Variants in CSMD3 observed in about 807,000 individuals in gnomAD.
CSMD3 encodes the protein CUB and sushi domain-containing protein 3.
CSMD3 carries 177 observed loss-of-function variants against 435.2 expected under a neutral mutation model. The observed-to-expected ratio is 0.41, with a 90% CI of 0.36 to 0.46. CSMD3 has a LOEUF of 0.46. CSMD3 is among the 20% of genes least tolerant of loss of function. The pLI, the probability that CSMD3 is intolerant of heterozygous loss-of-function variation, is 0.34. For missense variants in CSMD3, 4,265 were observed against 4,504.6 expected (o/e 0.95, Z 1.52); for synonymous variants, 1,656 against 1,520.5 (o/e 1.09, Z -2.07).
At chr8:112,342,863 G>A (rs909507967) in intron 41 of CSMD3, among the ~76,000 whole-genome samples, 2 of 151,010 alleles carry the variant, frequency 1.3e-5, no homozygotes, top group African/African-American at 4.9e-5. Flanking sequence ...GAAGACCGAA[G>A]ATATGCACTT....
chr8:112,440,819 C>G lies in CSMD3; in HGVS notation c.5395+31772G>C, dbSNP rs565458770. 1.7e-4 allele frequency among the ~76,000 whole-genome samples: 26 copies of G among 152,280 alleles called. 1 individual carries two copies. The highest frequency in any genetic ancestry group is 6.0e-4 in the African/African-American group (25 of 41,574). ...GGCTGGAGCTGAAGCAGCTGGGATGCAGGTCATGATGCCCCAAGGCTGCAT... is the reference window on the plus strand; with the variant it reads ...GGCTGGAGCTGAAGCAGCTGGGATGGAGGTCATGATGCCCCAAGGCTGCAT... On this transcript the variant is annotated intron_variant, in intron 32 of 70. Coordinates refer to ENST00000297405, the MANE Select transcript of CSMD3 (RefSeq NM_198123.2).
At chr8:112,619,098 G>T (rs1392555496) in intron 22 of CSMD3, among the ~76,000 whole-genome samples, 2 of 152,012 alleles carry the variant, frequency 1.3e-5, no homozygotes, top group African/African-American at 2.4e-5. Context: ...TCAGTGCTTG[G>T]TGTGTTATTA....
intron 27 of CSMD3, among the ~76,000 whole-genome samples, chr8:112,524,608 A>G (rs960488275): frequency 5.3e-5 from 8 of 152,030 alleles, no homozygotes; most frequent in African/African-American, 1.9e-4. Flanking sequence ...TAACATGTGT[A>G]TCAAAATCTG....
chr8:113,136,183 A>G (rs2091414170), intron 4 of CSMD3, among the ~76,000 whole-genome samples: 1 of 151,852 alleles, frequency 6.6e-6, no homozygotes, highest in Admixed American at 6.6e-5. Context: ...TGCTTGTGAC[A>G]GAAAATACTG....
At chr8:112,659,541 G>GA (rs1267195555) in intron 17 of CSMD3, among the ~76,000 whole-genome samples, 1 of 152,132 alleles carries the variant, frequency 6.6e-6, no homozygotes, top group African/African-American at 2.4e-5. Context: ...CTGAAAGACT[G>GA]ATAGTGATAG....
intron 10 of CSMD3, among the ~76,000 whole-genome samples, chr8:112,909,299 T>C (rs2082343276): frequency 6.6e-6 from 1 of 151,718 alleles, no homozygotes; most frequent in South Asian, 2.1e-4. Flanking sequence ...AGATGTCTCC[T>C]TTTTCCTTGC....
chr8:112,954,984 C>T (rs1399547985), intron 7 of CSMD3, among the ~76,000 whole-genome samples: 1 of 151,448 alleles, frequency 6.6e-6, no homozygotes, highest in East Asian at 1.9e-4. Context: ...GAAAATCCTG[C>T]ATATACATAG....
chr8:112,783,050 A>C (rs1299096817), intron 13 of CSMD3, among the ~76,000 whole-genome samples: 2 of 152,058 alleles, frequency 1.3e-5, no homozygotes, highest in African/African-American at 4.8e-5. Context: ...AAAGAAAAAC[A>C]CGGTAATTGT....
chr8:113,380,212 T>C, intron 1 of CSMD3, among the ~76,000 whole-genome samples: 1 of 152,154 alleles, frequency 6.6e-6, no homozygotes, highest in Middle Eastern at 3.2e-3. Context: ...ATTAGAGTTG[T>C]AATTTTACCT....
chr8:113,413,872 G>A (rs971870174), intron 1 of CSMD3, among the ~76,000 whole-genome samples: 27 of 152,114 alleles, frequency 1.8e-4, no homozygotes, highest in African/African-American at 6.5e-4. Flanking sequence ...AATATTGATC[G>A]AAAGTGTTCG....
intron 9 of CSMD3, among the ~76,000 whole-genome samples, chr8:112,934,133 A>G (rs1308260014): frequency 6.6e-6 from 1 of 152,160 alleles, no homozygotes; most frequent in Non-Finnish European, 1.5e-5. Context: ...ATACTAGTTT[A>G]AATGCAGTCA....
intron 28 of CSMD3, among the ~76,000 whole-genome samples, chr8:112,516,674 C>T (rs1056098415): frequency 3.3e-5 from 5 of 152,068 alleles, no homozygotes; most frequent in Admixed American, 2.6e-4. Context: ...AATGAAATAA[C>T]CATTTTAGAG....
At chr8:113,272,709 A>G (rs984609897) in intron 3 of CSMD3, among the ~76,000 whole-genome samples, 3 of 152,206 alleles carry the variant, frequency 2.0e-5, no homozygotes, top group African/African-American at 7.2e-5. Context: ...TACAGAACCT[A>G]TTCAATTACA....
intron 7 of CSMD3, among the ~76,000 whole-genome samples, chr8:112,964,013 C>T (rs1433475299): frequency 2.0e-5 from 3 of 151,748 alleles, no homozygotes; most frequent in African/African-American, 7.3e-5. Flanking sequence ...TGCAAATGAT[C>T]CAGAAAGGGG....
At chr8:112,847,219 T>C (rs1353201325) in intron 11 of CSMD3, among the ~76,000 whole-genome samples, 1 of 152,138 alleles carries the variant, frequency 6.6e-6, no homozygotes, top group Non-Finnish European at 1.5e-5. Context: ...CTTCTTGCCC[T>C]TTCTGTTATC....
At chr8:112,864,141 A>T (rs2080907411) in intron 10 of CSMD3, among the ~76,000 whole-genome samples, 1 of 152,222 alleles carries the variant, frequency 6.6e-6, no homozygotes, top group African/African-American at 2.4e-5. Flanking sequence ...TAATTTATCT[A>T]ACACAATATG....
chr8:112,344,422 T>C (rs952557266), intron 41 of CSMD3, among the ~76,000 whole-genome samples: 2 of 152,210 alleles, frequency 1.3e-5, no homozygotes, highest in African/African-American at 4.8e-5. Context: ...GAGTATAATA[T>C]ACACTCAGTA....
intron 3 of CSMD3, among the ~76,000 whole-genome samples, chr8:113,265,786 G>A (rs1017321354): frequency 1.3e-5 from 2 of 151,370 alleles, no homozygotes; most frequent in African/African-American, 4.8e-5. Flanking sequence ...TAGCTAAAAA[G>A]TCACTTGTGG....
chr8:112,672,722 A>G (rs188931948), intron 16 of CSMD3, among the ~76,000 whole-genome samples: 37 of 152,280 alleles, frequency 2.4e-4, no homozygotes, highest in Admixed American at 1.7e-3. Context: ...TAAATTCAAT[A>G]TAGTTCATTT....
Sources: gnomAD v4.1 joint callset for allele counts (sites outside exome capture counted in the v4.1 genomes callset) on GRCh38, gnomAD v4.1.1 for gene constraint, MANE v1.5 for transcripts, NCBI Gene and HGNC (gene_info 2026-07-23, HGNC 2026-07-21) for gene names.